Variants in ME1 observed in about 807,000 individuals in gnomAD.
The protein encoded by ME1 is NADP-dependent malic enzyme.
ME1 carries 74 observed loss-of-function variants against 66.4 expected under a neutral mutation model. The ratio of observed to expected loss-of-function variants is 1.11; its 90% CI spans 0.92 to 1.35. The LOEUF is 1.35. ME1 is among the 40% of genes most tolerant of loss of function. ME1 has a pLI of 0.00. For synonymous variants in ME1, 251 were observed against 235.6 expected (o/e 1.07, Z -0.60); for missense variants, 750 against 694.1 (o/e 1.08, Z -0.90).
At chr6:83,329,007 C>G (rs1768355220) in intron 5 of ME1, among the ~76,000 whole-genome samples, 1 of 152,182 alleles carries the variant, frequency 6.6e-6, no homozygotes. Context: ...GAATTTATAA[C>G]TGAAGCATCT....
rs533587838 is a variant in ME1, at chr6:83,263,567, C to T, written c.705-9829G>A. ...TTTGGGAGTCTTTTGATAGGGAGAA[C>T]GTTTGAGTGATCTGGATAGATTAAG... On this transcript the variant is annotated intron_variant, in intron 6 of 13. Coordinates refer to ENST00000369705, the MANE Select transcript of ME1 (RefSeq NM_002395.6). Among the ~76,000 whole-genome samples, 4 of 152,064 alleles carry T rather than the reference C, an allele frequency of 2.6e-5. No homozygotes were observed. The South Asian group carries it at 8.3e-4, about 32-fold the overall frequency.
At chr6:83,224,365 A>T (rs1239555216) in intron 11 of ME1, among the ~76,000 whole-genome samples, 1 of 152,130 alleles carries the variant, frequency 6.6e-6, no homozygotes, top group Non-Finnish European at 1.5e-5. Context: ...AAACTGGGAA[A>T]ATCATATATA....
intron 6 of ME1, among the ~76,000 whole-genome samples, chr6:83,313,135 TAA>T (rs1363046078): frequency 1.3e-5 from 2 of 152,242 alleles, no homozygotes; most frequent in Non-Finnish European, 2.9e-5. Context: ...ACTTTGAATT[TAA>T]GTTATGTTTC....
chr6:83,340,311 C>T (rs940750009), intron 5 of ME1, among the ~76,000 whole-genome samples: 2 of 152,124 alleles, frequency 1.3e-5, no homozygotes, highest in African/African-American at 4.8e-5. Flanking sequence ...AAAAAGAAAA[C>T]AGCAGTGATA....
intron 4 of ME1, among the ~76,000 whole-genome samples, chr6:83,351,820 T>C (rs1335440389): frequency 1.3e-5 from 2 of 152,168 alleles, no homozygotes; most frequent in Non-Finnish European, 2.9e-5. Context: ...TCAACATTTA[T>C]CATTACTTAG....
At chr6:83,280,588 T>C (rs1562467911) in intron 6 of ME1, among the ~76,000 whole-genome samples, 1 of 152,222 alleles carries the variant, frequency 6.6e-6, no homozygotes, top group Non-Finnish European at 1.5e-5. Context: ...AAACTTCTCT[T>C]TTGGAGCTAC....
intron 3 of ME1, among the ~76,000 whole-genome samples, chr6:83,373,507 C>T (rs891197441): frequency 2.0e-4 from 31 of 152,104 alleles, no homozygotes; most frequent in Non-Finnish European, 4.0e-4. Context: ...CGTGAGCCAC[C>T]GCACCCAGCC....
chr6:83,300,345 G>T (rs967196606), intron 6 of ME1, among the ~76,000 whole-genome samples: 1 of 152,024 alleles, frequency 6.6e-6, no homozygotes, highest in African/African-American at 2.4e-5. Context: ...TCATGACAAA[G>T]ATGCCAAAAG....
At chr6:83,408,447 T>C (rs554279872) in intron 1 of ME1, among the ~76,000 whole-genome samples, 2 of 152,196 alleles carry the variant, frequency 1.3e-5, no homozygotes, top group African/African-American at 2.4e-5. Context: ...CACCCTTTTA[T>C]TCTTCCATGG....
chr6:83,211,859 A>T lies in ME1; in HGVS notation c.*65T>A. On this transcript the variant is annotated 3_prime_UTR_variant, in exon 14 of 14. Transcript: ENST00000369705. ...CTTATGAATCATTATAAAAGATTCC[A>T]ACCTTTAAAAATTATGAAAGGTTTA... 1 of 1,135,176 alleles carries T rather than the reference A, an allele frequency of 8.8e-7. No homozygotes were observed. Among genetic ancestry groups the T allele is most frequent in the Non-Finnish European group, 1.2e-6 (1 of 846,122 alleles). 70.3% of individuals were successfully genotyped at this position (1,135,176 alleles called of 1,614,324 possible). A position where few individuals can be genotyped will look rare whatever the true frequency, so the allele number is the denominator to read the frequency against.
At chr6:83,356,326 G>C (rs1768888478) in intron 3 of ME1, among the ~76,000 whole-genome samples, 1 of 152,066 alleles carries the variant, frequency 6.6e-6, no homozygotes, top group African/African-American at 2.4e-5. Context: ...ATGTGAGTAT[G>C]CATTAGTGAG....
At chr6:83,294,226 A>G (rs1583362460) in intron 6 of ME1, among the ~76,000 whole-genome samples, 1 of 152,210 alleles carries the variant, frequency 6.6e-6, no homozygotes, top group African/African-American at 2.4e-5. Flanking sequence ...AAGAACTGCT[A>G]ATTTTACACT....
intron 3 of ME1, among the ~76,000 whole-genome samples, chr6:83,380,916 C>A (rs1769383010): frequency 6.6e-6 from 1 of 151,954 alleles, no homozygotes; most frequent in African/African-American, 2.4e-5. Context: ...TGGATCACTG[C>A]AGTTAGCTGA....
chr6:83,215,187 T>C (rs1342542557), intron 13 of ME1, among the ~76,000 whole-genome samples: 2 of 152,214 alleles, frequency 1.3e-5, no homozygotes, highest in Admixed American at 6.5e-5. Flanking sequence ...TAAATAATGA[T>C]ATGTGACTCT....
chr6:83,412,855 A>T (rs1253498512), intron 1 of ME1, among the ~76,000 whole-genome samples: 1 of 152,150 alleles, frequency 6.6e-6, no homozygotes, highest in Non-Finnish European at 1.5e-5. Flanking sequence ...TCAAAGAGGG[A>T]GCAAAAAGAA....
At chr6:83,306,336 T>A (rs1767823814) in intron 6 of ME1, among the ~76,000 whole-genome samples, 1 of 151,956 alleles carries the variant, frequency 6.6e-6, no homozygotes. Context: ...TATTTTGAAA[T>A]CATAATGATT....
At chr6:83,414,036 G>A (rs964925540) in intron 1 of ME1, among the ~76,000 whole-genome samples, 1 of 151,058 alleles carries the variant, frequency 6.6e-6, no homozygotes, top group African/African-American at 2.4e-5. Context: ...ATTTGATCCT[G>A]GGAGGTTAAG....
chr6:83,346,388 C>T, intron 4 of ME1, 54 bp from the exon 5 acceptor site: 1 of 1,261,154 alleles, frequency 7.9e-7, no homozygotes, highest in East Asian at 2.6e-5. Context: ...TCCTGAGACA[C>T]AATTTCTGAC....
chr6:83,381,851 G>A (rs767471525), intron 3 of ME1, among the ~76,000 whole-genome samples: 1 of 151,978 alleles, frequency 6.6e-6, no homozygotes, highest in South Asian at 2.1e-4. Context: ...ACTTTAGTTA[G>A]ATGCTGTCTA....
Sources: allele counts gnomAD v4.1 joint callset (sites outside exome capture counted in the v4.1 genomes callset), GRCh38; gene constraint gnomAD v4.1.1; transcripts MANE v1.5; gene names NCBI Gene and HGNC (gene_info 2026-07-23, HGNC 2026-07-21).